Variants in LRRTM4 observed in about 807,000 individuals in gnomAD.
LRRTM4 encodes the protein leucine-rich repeat transmembrane neuronal protein 4.
LRRTM4 carries 25 observed loss-of-function variants against 47.6 expected under a neutral mutation model. That is an observed-to-expected ratio of 0.53 (90% confidence interval 0.38 to 0.73). The LOEUF (loss-of-function observed/expected upper bound fraction) is 0.73. Among genes scored for constraint, LRRTM4 ranks in the 30% least tolerant of loss-of-function variants. The probability of loss-of-function intolerance (pLI) is 0.00; values close to 1 mark genes in which losing one functional copy is unlikely to be tolerated. For synonymous variants in LRRTM4, 311 were observed against 269.5 expected (o/e 1.15, Z -1.51); for missense variants, 638 against 713.4 (o/e 0.89, Z 1.20).
intron 3 of LRRTM4, among the ~76,000 whole-genome samples, chr2:77,395,201 T>C (rs544986897): frequency 2.6e-4 from 39 of 152,040 alleles, no homozygotes; most frequent in African/African-American, 8.9e-4. Flanking sequence ...AGGAAGCCAA[T>C]ATAAGAGGCG....
intron 3 of LRRTM4, among the ~76,000 whole-genome samples, chr2:76,887,096 C>A (rs1183597023): frequency 1.3e-5 from 2 of 151,534 alleles, no homozygotes; most frequent in East Asian, 3.9e-4. Context: ...CGAGAATGCA[C>A]AGAAATATCT....
intron 3 of LRRTM4, among the ~76,000 whole-genome samples, chr2:77,157,398 T>C (rs969652758): frequency 6.6e-6 from 1 of 152,162 alleles, no homozygotes; most frequent in Non-Finnish European, 1.5e-5. Context: ...GAAGATAACA[T>C]TTTAAAACTA....
chr2:77,360,548 T>TCATA (rs34364581), intron 3 of LRRTM4, among the ~76,000 whole-genome samples: 13,236 of 136,766 alleles, frequency 0.097, 871 homozygotes, highest in Non-Finnish European at 0.11. Flanking sequence ...ATACAATCAT[T>TCATA]CATACATACA....
intron 3 of LRRTM4, among the ~76,000 whole-genome samples, chr2:77,017,500 G>A (rs770363424): frequency 1.3e-5 from 2 of 151,988 alleles, no homozygotes; most frequent in Non-Finnish European, 2.9e-5. Flanking sequence ...CTAAGGTCTG[G>A]TAAGTACAAG....
intron 3 of LRRTM4, among the ~76,000 whole-genome samples, chr2:76,886,962 A>AT (rs1673097551): frequency 6.6e-6 from 1 of 151,964 alleles, no homozygotes; most frequent in Admixed American, 6.6e-5. Flanking sequence ...TAATACATTG[A>AT]TTTTCATATT....
chr2:77,263,946 A>G (rs1675984651), intron 3 of LRRTM4, among the ~76,000 whole-genome samples: 1 of 151,930 alleles, frequency 6.6e-6, no homozygotes, highest in African/African-American at 2.4e-5. Flanking sequence ...ACAAAGGAAG[A>G]CCTTCAGGTA....
chr2:77,267,986 T>G (rs375280525), intron 3 of LRRTM4, among the ~76,000 whole-genome samples: 5 of 152,270 alleles, frequency 3.3e-5, no homozygotes, highest in African/African-American at 1.2e-4. Flanking sequence ...GACTGTCAGC[T>G]TCCTTTAACA....
intron 3 of LRRTM4, among the ~76,000 whole-genome samples, chr2:77,421,576 G>A (rs1393778086): frequency 6.6e-6 from 1 of 152,088 alleles, no homozygotes; most frequent in African/African-American, 2.4e-5. Context: ...GCGTGTTGGC[G>A]GGTGCCTGTA....
intron 3 of LRRTM4, among the ~76,000 whole-genome samples, chr2:77,449,563 C>G (rs1309690866): frequency 6.6e-6 from 1 of 152,118 alleles, no homozygotes; most frequent in East Asian, 1.9e-4. Flanking sequence ...TTCCCAGTCT[C>G]TCTTATTACT....
intron 3 of LRRTM4, among the ~76,000 whole-genome samples, chr2:77,297,111 T>C (rs1013300435): frequency 6.6e-6 from 1 of 151,984 alleles, no homozygotes; most frequent in Non-Finnish European, 1.5e-5. Flanking sequence ...TATTGTTTTT[T>C]TGTTGTTGTT....
At chr2:76,849,573 T>C (rs1377393077) in intron 3 of LRRTM4, among the ~76,000 whole-genome samples, 1 of 152,028 alleles carries the variant, frequency 6.6e-6, no homozygotes, top group Non-Finnish European at 1.5e-5. Flanking sequence ...CTAATTATAC[T>C]TCTGTAAAAG....
chr2:76,863,159 G>A (rs1162972415), intron 3 of LRRTM4, among the ~76,000 whole-genome samples: 1 of 152,038 alleles, frequency 6.6e-6, no homozygotes, highest in African/African-American at 2.4e-5. Context: ...CCAGGCTATT[G>A]TAAAATTTTA....
chr2:76,763,726 C>G (rs904997324), intron 3 of LRRTM4, among the ~76,000 whole-genome samples: 3 of 151,926 alleles, frequency 2.0e-5, no homozygotes, highest in African/African-American at 7.3e-5. Context: ...GAGGTACATG[C>G]TAGAAAAATA....
chr2:77,520,413 G>C (rs1679438180), intron 2 of LRRTM4, among the ~76,000 whole-genome samples: 1 of 152,024 alleles, frequency 6.6e-6, no homozygotes, highest in Non-Finnish European at 1.5e-5. Context: ...CAATATGTGA[G>C]CTCTGAAAAA....
intron 3 of LRRTM4, among the ~76,000 whole-genome samples, chr2:77,263,970 C>T (rs1458950549): frequency 1.3e-5 from 2 of 151,342 alleles, no homozygotes; most frequent in East Asian, 1.9e-4. Flanking sequence ...AAGGATCTAA[C>T]GTGTTAGAGA....
chr2:77,159,826 A>G (rs1672662602), intron 3 of LRRTM4, among the ~76,000 whole-genome samples: 1 of 152,132 alleles, frequency 6.6e-6, no homozygotes. Flanking sequence ...ATGTTTCTGT[A>G]TGGTAACAAT....
chr2:77,199,004 A>G (rs1012606647), intron 3 of LRRTM4, among the ~76,000 whole-genome samples: 1 of 152,172 alleles, frequency 6.6e-6, no homozygotes, highest in African/African-American at 2.4e-5. Context: ...TGACATCTCC[A>G]ACTTCTGAAT....
intron 3 of LRRTM4, among the ~76,000 whole-genome samples, chr2:76,848,303 A>T (rs1345113966): frequency 6.6e-6 from 1 of 152,172 alleles, no homozygotes; most frequent in Non-Finnish European, 1.5e-5. Context: ...TTTGAGTTAT[A>T]AAGATAAGCA....
At chr2:77,240,537 T>C (rs1003539499) in intron 3 of LRRTM4, among the ~76,000 whole-genome samples, 24 of 152,104 alleles carry the variant, frequency 1.6e-4, no homozygotes, top group Admixed American at 1.3e-3. Flanking sequence ...TATGTTGTTT[T>C]CTCAGTCTTA....
Sources: gnomAD v4.1 joint callset for allele counts (sites outside exome capture counted in the v4.1 genomes callset) on GRCh38, gnomAD v4.1.1 for gene constraint, MANE v1.5 for transcripts, NCBI Gene and HGNC (gene_info 2026-07-23, HGNC 2026-07-21) for gene names.